AKAP6: variants seen among roughly 807,000 people sequenced by gnomAD.
AKAP6 encodes the protein A-kinase anchor protein 6.
In AKAP6, 58 loss-of-function variants were observed where a neutral mutation model predicts 188.5. That is an observed-to-expected ratio of 0.31 (90% CI 0.25 to 0.38). The LOEUF is 0.38. Ranked by LOEUF, AKAP6 falls within the 10% of genes least tolerant of loss-of-function variation. AKAP6 has a pLI of 1.00. For missense variants in AKAP6, 2,710 were observed against 2,740.0 expected, an observed-to-expected ratio of 0.99 and a Z score of 0.24; for synonymous variants, 989 against 998.6, an observed-to-expected ratio of 0.99 and a Z score of 0.18.
chr14:32,460,181 G>A (rs1196235982), intron 2 of AKAP6, among the ~76,000 whole-genome samples: 1 of 152,084 alleles, frequency 6.6e-6, no homozygotes, highest in Non-Finnish European at 1.5e-5. Flanking sequence ...AATATCATGG[G>A]GCTGCAATCA....
chr14:32,746,211 T>G (rs1208125981), intron 11 of AKAP6, among the ~76,000 whole-genome samples: 1 of 152,146 alleles, frequency 6.6e-6, no homozygotes, highest in African/African-American at 2.4e-5. Context: ...CTCTTTACTT[T>G]TCCCTCTGCT....
intron 12 of AKAP6, among the ~76,000 whole-genome samples, chr14:32,813,518 C>T (rs1413597085): frequency 2.0e-5 from 3 of 150,992 alleles, no homozygotes; most frequent in African/African-American, 7.3e-5. Context: ...TAAATTTTCT[C>T]ATTAGCATAA....
intron 1 of AKAP6, among the ~76,000 whole-genome samples, chr14:32,416,798 G>A (rs1244749747): frequency 1.3e-5 from 2 of 151,976 alleles, no homozygotes; most frequent in Non-Finnish European, 2.9e-5. Flanking sequence ...CAAATGATCT[G>A]CCCGCCTCAG....
chr14:32,423,882 G>A (rs543682339), intron 1 of AKAP6, among the ~76,000 whole-genome samples: 1 of 152,250 alleles, frequency 6.6e-6, no homozygotes, highest in East Asian at 1.9e-4. Context: ...TGCTAAGATT[G>A]TGAGTAGGGT....
At chr14:32,550,829 T>C (rs1398414346) in intron 4 of AKAP6, among the ~76,000 whole-genome samples, 1 of 152,174 alleles carries the variant, frequency 6.6e-6, no homozygotes, top group Non-Finnish European at 1.5e-5. Flanking sequence ...ACTAACCACT[T>C]CTCTCCTGTT....
chr14:32,414,735 A>G (rs1889602035), intron 1 of AKAP6, among the ~76,000 whole-genome samples: 3 of 152,210 alleles, frequency 2.0e-5, no homozygotes, highest in Non-Finnish European at 4.4e-5. Flanking sequence ...GACACAAAGC[A>G]TTGAGGAAAA....
chr14:32,522,394 A>G (rs528281929), intron 2 of AKAP6, among the ~76,000 whole-genome samples: 5 of 152,316 alleles, frequency 3.3e-5, no homozygotes, highest in East Asian at 3.9e-4. Context: ...CATCAGAGTG[A>G]ACAGGCAACC....
intron 9 of AKAP6, among the ~76,000 whole-genome samples, chr14:32,712,391 G>A (rs1372287121): frequency 1.3e-5 from 2 of 152,024 alleles, no homozygotes; most frequent in East Asian, 3.9e-4. Flanking sequence ...TGGGGTGGCT[G>A]CGGCAATTTC....
At chr14:32,809,423 T>C (rs2034167585) in intron 12 of AKAP6, among the ~76,000 whole-genome samples, 1 of 152,212 alleles carries the variant, frequency 6.6e-6, no homozygotes, top group Non-Finnish European at 1.5e-5. Context: ...CCCTCTTTTG[T>C]GAGGAGTAAC....
At chr14:32,523,199 G>T (rs1018674236) in intron 2 of AKAP6, among the ~76,000 whole-genome samples, 1 of 151,684 alleles carries the variant, frequency 6.6e-6, no homozygotes, top group Non-Finnish European at 1.5e-5. Context: ...AGGGGGGGAG[G>T]GATAACATTA....
chr14:32,770,280 A>G (rs145129661), intron 11 of AKAP6, among the ~76,000 whole-genome samples: 2 of 152,224 alleles, frequency 1.3e-5, no homozygotes, highest in African/African-American at 4.8e-5. Flanking sequence ...CCATTCTAAC[A>G]GATTTAACCT....
At chr14:32,331,300 T>C (rs1157661232) in intron 1 of AKAP6, among the ~76,000 whole-genome samples, 1 of 152,058 alleles carries the variant, frequency 6.6e-6, no homozygotes, top group Non-Finnish European at 1.5e-5. Flanking sequence ...TCATGGTTGA[T>C]TTGTTCAATT....
At chr14:32,530,121 G>A (rs1882339401) in intron 2 of AKAP6, among the ~76,000 whole-genome samples, 1 of 151,778 alleles carries the variant, frequency 6.6e-6, no homozygotes, top group Admixed American at 6.6e-5. Context: ...ACACCTCGTG[G>A]GCTGAAGGCA....
At chr14:32,379,842 T>A (rs1461501267) in intron 1 of AKAP6, among the ~76,000 whole-genome samples, 42 of 152,146 alleles carry the variant, frequency 2.8e-4, no homozygotes, top group Admixed American at 2.7e-3. Context: ...ATTGACAATG[T>A]CTCCTCCCTA....
At chr14:32,548,569 GATAGA>G (rs1883309728) in intron 4 of AKAP6, among the ~76,000 whole-genome samples, 2 of 151,888 alleles carry the variant, frequency 1.3e-5, no homozygotes, top group Non-Finnish European at 2.9e-5. Flanking sequence ...TAGATAGATA[GATAGA>G]TAGATAGATA....
At chr14:32,809,836 T>A (rs1051839211) in intron 12 of AKAP6, among the ~76,000 whole-genome samples, 1 of 152,156 alleles carries the variant, frequency 6.6e-6, no homozygotes, top group Non-Finnish European at 1.5e-5. Flanking sequence ...AGCCATGACA[T>A]TTGCCAGGAG....
intron 4 of AKAP6, among the ~76,000 whole-genome samples, chr14:32,554,310 T>A (rs1883602867): frequency 6.6e-6 from 1 of 152,236 alleles, no homozygotes. Flanking sequence ...TGCTGACCCC[T>A]GCTCTTGAGT....
intron 11 of AKAP6, among the ~76,000 whole-genome samples, chr14:32,755,668 C>G (rs1045494144): frequency 1.3e-5 from 2 of 152,102 alleles, no homozygotes; most frequent in Admixed American, 1.3e-4. Flanking sequence ...GCTGACACTA[C>G]AGGTGAATAC....
intron 7 of AKAP6, among the ~76,000 whole-genome samples, chr14:32,675,033 G>T (rs1372073991): frequency 6.6e-6 from 1 of 152,124 alleles, no homozygotes; most frequent in African/African-American, 2.4e-5. Flanking sequence ...CTCATTGTCA[G>T]CTCTCTCCCA....
Sources: allele counts gnomAD v4.1 joint callset (sites outside exome capture counted in the v4.1 genomes callset), GRCh38; gene constraint gnomAD v4.1.1; transcripts MANE v1.5; gene names NCBI Gene and HGNC (gene_info 2026-07-23, HGNC 2026-07-21).